Variants in GNL2 observed in about 807,000 individuals in gnomAD.
The protein encoded by GNL2 is nucleolar GTP-binding protein 2.
GNL2 carries 51 observed loss-of-function variants against 92.3 expected under a neutral mutation model. The ratio of observed to expected loss-of-function variants is 0.55; its 90% confidence interval spans 0.44 to 0.70. The LOEUF (loss-of-function observed/expected upper bound fraction) is 0.70. GNL2 is among the 30% of genes least tolerant of loss of function. The pLI, the probability that GNL2 is intolerant of heterozygous loss-of-function variation, is 0.00. For missense variants in GNL2, 844 were observed against 895.6 expected (o/e 0.94, Z 0.74); for synonymous variants, 283 against 300.6 (o/e 0.94, Z 0.61).
In GNL2 at chr1:37,575,464, T is replaced by C; in HGVS notation, c.1143+131A>G. Reference sequence around the variant, plus strand: ...GCTGAGAGGCTGCTGTTCAGCATCATGTTCCTAAAGTTTGGTCAGACAGGC... The same window carrying C: ...GCTGAGAGGCTGCTGTTCAGCATCACGTTCCTAAAGTTTGGTCAGACAGGC... On this transcript the variant is annotated intron_variant, in intron 10 of 15. Coordinates refer to ENST00000373062, the MANE Select transcript of GNL2 (RefSeq NM_013285.3). The surrounding 1 kb of genome is among the most constrained non-coding windows in gnomAD (Gnocchi z 4.1). The C allele has an allele frequency of 1.8e-5, 10 of 558,480 alleles. No individual in the cohort carries two copies. The highest frequency in any genetic ancestry group is 3.2e-5 in the Non-Finnish European group (10 of 311,380). 34.6% of individuals were successfully genotyped at this position (558,480 alleles called of 1,614,324 possible). A position where few individuals can be genotyped will look rare whatever the true frequency, so the allele number is the denominator to read the frequency against.
intron 8 of GNL2, among the ~76,000 whole-genome samples, chr1:37,580,135 T>C (rs1452988903): frequency 6.6e-6 from 1 of 151,972 alleles, no homozygotes; most frequent in Non-Finnish European, 1.5e-5. Flanking sequence ...AATTTTAGAA[T>C]AAGAAAAGAT....
At chr1:37,585,924 A>G (rs1327363391) in intron 5 of GNL2, among the ~76,000 whole-genome samples, 3 of 152,164 alleles carry the variant, frequency 2.0e-5, no homozygotes, top group Non-Finnish European at 4.4e-5. Context: ...CTTTCTCAAG[A>G]GCAATGTGGC....
At chr1:37,578,718 T>C (rs1323569745) in intron 8 of GNL2, among the ~76,000 whole-genome samples, 2 of 152,020 alleles carry the variant, frequency 1.3e-5, no homozygotes, top group African/African-American at 2.4e-5. Flanking sequence ...CCACTATGCC[T>C]TGCTAATTTT....
intron 14 of GNL2, 134 bp from the exon 15 acceptor site, chr1:37,567,898 A>C (rs1557635804): frequency 1.5e-6 from 1 of 676,078 alleles, no homozygotes; most frequent in African/African-American, 1.8e-5. Context: ...GTGGTGAGTA[A>C]AGCAGGCCAA....
rs34353424 is a variant in GNL2 at position 37,579,895 on chromosome 1, C to CAAAA, written c.909+2324_909+2327dup. Among the ~76,000 whole-genome samples, 428 of 73,674 alleles carry CAAAA rather than the reference C, an allele frequency of 5.8e-3. 3 individuals are homozygous for CAAAA. The highest frequency in any genetic ancestry group is 0.01 in the East Asian group (25 of 2,434). 48.3% of individuals were successfully genotyped at this position (73,674 alleles called of 152,430 possible). On this transcript the variant is annotated intron_variant, in intron 8 of 15. Transcript: ENST00000373062. ...TGGTGACAAGAGTGAGACTCTGCCT[C>CAAAA]AAAAAAAAAAAAAAAAAAAAAGAAA...
intron 7 of GNL2, 40 bp from the exon 8 acceptor site, chr1:37,582,376 C>A (rs769096849): frequency 1.8e-6 from 2 of 1,108,224 alleles, no homozygotes. Context: ...AACTGCAGTA[C>A]ATTTATTTAC....
intron 12 of GNL2, among the ~76,000 whole-genome samples, chr1:37,571,094 G>A (rs1420184253): frequency 6.6e-6 from 1 of 152,126 alleles, no homozygotes; most frequent in Non-Finnish European, 1.5e-5. Context: ...TTCTGAAGGG[G>A]TTTCTGCTCT....
At chr1:37,570,450 A>G (rs1226570070) in intron 12 of GNL2, 2 of 152,124 alleles carry the variant, frequency 1.3e-5, no homozygotes, top group African/African-American at 4.8e-5. Context: ...GAATCACTTG[A>G]ACCCAGGAAG....
intron 12 of GNL2, chr1:37,569,639 C>T (rs1031012081): frequency 4.3e-6 from 1 of 230,918 alleles, no homozygotes; most frequent in Non-Finnish European, 8.5e-6. Flanking sequence ...GCAAAATCAG[C>T]ACACACAACT....
At chr1:37,588,145 G>A (rs1239633115) in intron 4 of GNL2, among the ~76,000 whole-genome samples, 1 of 152,124 alleles carries the variant, frequency 6.6e-6, no homozygotes, top group Non-Finnish European at 1.5e-5. Flanking sequence ...TAGTTTAGAT[G>A]TGATAAAAGG....
intron 8 of GNL2, among the ~76,000 whole-genome samples, chr1:37,577,244 C>A (rs1382148381): frequency 1.3e-5 from 2 of 152,124 alleles, no homozygotes; most frequent in African/African-American, 4.8e-5. Context: ...ACAACTCACC[C>A]CCCCTTTTCT....
chr1:37,582,962 G>C (rs982680683), intron 6 of GNL2, 26 bp from the exon 7 acceptor site: 4 of 1,555,716 alleles, frequency 2.6e-6, no homozygotes, highest in African/African-American at 1.4e-5. Context: ...GGCAAAAATG[G>C]TTTGCTACAG....
chr1:37,591,773 C>T, intron 3 of GNL2, among the ~76,000 whole-genome samples: 1 of 152,170 alleles, frequency 6.6e-6, no homozygotes, highest in Non-Finnish European at 1.5e-5. Context: ...TCCCAAAGTG[C>T]TGGGATTACA....
chr1:37,580,061 C>T (rs1643742228), intron 8 of GNL2, among the ~76,000 whole-genome samples: 1 of 152,154 alleles, frequency 6.6e-6, no homozygotes, highest in African/African-American at 2.4e-5. Context: ...GCCAAGCTCA[C>T]TGAGCAATAA....
intron 13 of GNL2, 72 bp downstream of exon 13, chr1:37,568,779 G>A (rs2148126877): frequency 9.5e-7 from 1 of 1,053,212 alleles, no homozygotes; most frequent in East Asian, 2.4e-5. Context: ...TAAAAATATG[G>A]CTCTGGTACT....
chr1:37,578,729 T>C (rs1234120402), intron 8 of GNL2, among the ~76,000 whole-genome samples: 1 of 152,118 alleles, frequency 6.6e-6, no homozygotes, highest in East Asian at 1.9e-4. Context: ...TGCTAATTTT[T>C]TTCTATCTTT....
intron 1 of GNL2, 77 bp downstream of exon 1, chr1:37,595,682 T>C (rs1428551767): frequency 1.6e-6 from 2 of 1,237,088 alleles, no homozygotes; most frequent in African/African-American, 1.5e-5. Flanking sequence ...GTAACCCTCC[T>C]TCCCCTCCAG....
intron 4 of GNL2, among the ~76,000 whole-genome samples, chr1:37,588,011 A>C (rs1405447022): frequency 6.6e-6 from 1 of 152,200 alleles, no homozygotes; most frequent in Non-Finnish European, 1.5e-5. Flanking sequence ...GGCTAAAAGG[A>C]ATTGCTTGTT....
intron 7 of GNL2, 38 bp downstream of exon 7, chr1:37,582,740 G>A: frequency 1.3e-6 from 2 of 1,535,092 alleles, no homozygotes; most frequent in Non-Finnish European, 1.8e-6. Flanking sequence ...ACTAACAGAT[G>A]TCTTAATAGT....
Sources: gnomAD v4.1 joint callset for allele counts (sites outside exome capture counted in the v4.1 genomes callset) on GRCh38, gnomAD v4.1.1 for gene constraint, Gnocchi (gnomAD v3.1) non-coding constraint, MANE v1.5 for transcripts, NCBI Gene and HGNC (gene_info 2026-07-23, HGNC 2026-07-21) for gene names.